The following NXPE2 variants were observed in gnomAD, a reference collection of about 807,000 sequenced individuals.
NXPE2 encodes neurexophilin and PC-esterase domain family member 2.
Under a neutral mutation model 34.4 loss-of-function variants are expected in NXPE2, and 34 were observed. That is an observed-to-expected ratio of 0.99 (90% CI 0.75 to 1.31). The LOEUF (loss-of-function observed/expected upper bound fraction) is 1.31. Ranked by LOEUF, NXPE2 falls within the 40% of genes most tolerant of loss-of-function variation. NXPE2 has a pLI of 0.00. For missense variants in NXPE2, 649 were observed against 672.5 expected, an observed-to-expected ratio of 0.97 and a Z score of 0.39; for synonymous variants, 235 against 231.3, an observed-to-expected ratio of 1.02 and a Z score of -0.15.
the NXPE2 span, among the ~76,000 whole-genome samples, chr11:114,592,210 G>C: frequency 1.3e-5 from 2 of 152,066 alleles, no homozygotes; most frequent in Non-Finnish European, 2.9e-5. Context: ...GGGCATACAA[G>C]TTGGAAAGAA....
At chr11:114,725,013 C>G in the NXPE2 span, among the ~76,000 whole-genome samples, 2 of 151,220 alleles carry the variant, frequency 1.3e-5, no homozygotes, top group Non-Finnish European at 2.9e-5. Flanking sequence ...CACTTGAACC[C>G]AGGAGCAGCA....
chr11:114,687,685 C>T (rs1351291349), intron 2 of NXPE2, among the ~76,000 whole-genome samples: 1 of 152,016 alleles, frequency 6.6e-6, no homozygotes, highest in East Asian at 1.9e-4. Context: ...CTGTACATTG[C>T]TTTGGGCAGT....
the NXPE2 span, among the ~76,000 whole-genome samples, chr11:114,663,678 T>TTATCTATCTATCTATCTATCTATCTATC: frequency 6.9e-6 from 1 of 145,940 alleles, no homozygotes; most frequent in Non-Finnish European, 1.5e-5. Context: ...ATCTATCTAT[T>TTATCTATCTATCTATCTATCTATCTATC]TATCTATCTA....
the NXPE2 span, among the ~76,000 whole-genome samples, chr11:114,617,006 G>A: frequency 1.3e-5 from 2 of 151,020 alleles, no homozygotes; most frequent in Non-Finnish European, 2.9e-5. Context: ...ACTGTTACCT[G>A]GTGGATAATA....
chr11:114,534,908 T>G, the NXPE2 span, among the ~76,000 whole-genome samples: 1 of 152,078 alleles, frequency 6.6e-6, no homozygotes, highest in African/African-American at 2.4e-5. Flanking sequence ...AGGCCAACAT[T>G]CAAATTCAGG....
chr11:114,714,350 C>T, the NXPE2 span, among the ~76,000 whole-genome samples: 4 of 152,084 alleles, frequency 2.6e-5, no homozygotes, highest in East Asian at 7.7e-4. Flanking sequence ...AAGTAAATTG[C>T]CTTAGCAGAG....
At chr11:114,696,819 T>A (rs980685257) in intron 2 of NXPE2, among the ~76,000 whole-genome samples, 1 of 152,162 alleles carries the variant, frequency 6.6e-6, no homozygotes, top group African/African-American at 2.4e-5. Flanking sequence ...CAGTAGTCCT[T>A]AAATCTACTA....
At chr11:114,588,349 T>A in the NXPE2 span, among the ~76,000 whole-genome samples, 1 of 152,172 alleles carries the variant, frequency 6.6e-6, no homozygotes, top group Non-Finnish European at 1.5e-5. Context: ...AAAGGGAGAC[T>A]TAGGCCAATT....
At chr11:114,497,086 A>T in the NXPE2 span, among the ~76,000 whole-genome samples, 1 of 152,074 alleles carries the variant, frequency 6.6e-6, no homozygotes, top group Non-Finnish European at 1.5e-5. Flanking sequence ...ATTCCAGAAG[A>T]GGGCGTTGTT....
At chr11:114,468,681 T>C in the NXPE2 span, among the ~76,000 whole-genome samples, 12 of 152,292 alleles carry the variant, frequency 7.9e-5, no homozygotes, top group Non-Finnish European at 1.8e-4. Flanking sequence ...AATGCACAGG[T>C]TAGTCCCCAC....
the NXPE2 span, among the ~76,000 whole-genome samples, chr11:114,634,329 A>G: frequency 2.6e-5 from 4 of 151,918 alleles, no homozygotes; most frequent in Admixed American, 2.6e-4. Context: ...TTTCTTGTAA[A>G]TTTGTTTGAG....
chr11:114,485,063 A>C, the NXPE2 span, among the ~76,000 whole-genome samples: 1 of 152,178 alleles, frequency 6.6e-6, no homozygotes. Context: ...TTGTGGTAAC[A>C]TAATAGGTGT....
At chr11:114,729,866 T>C in the NXPE2 span, among the ~76,000 whole-genome samples, 50 of 152,346 alleles carry the variant, frequency 3.3e-4, no homozygotes, top group African/African-American at 1.2e-3. Flanking sequence ...CTGTATACTC[T>C]GTTGACAGTT....
chr11:114,600,302 T>C, the NXPE2 span, among the ~76,000 whole-genome samples: 4 of 152,228 alleles, frequency 2.6e-5, no homozygotes, highest in African/African-American at 9.6e-5. Context: ...TTTTCTATAA[T>C]TCAAAAACTC....
At chr11:114,731,140 C>G in the NXPE2 span, among the ~76,000 whole-genome samples, 2 of 152,066 alleles carry the variant, frequency 1.3e-5, no homozygotes, top group Non-Finnish European at 2.9e-5. Context: ...TTTTCTGCAT[C>G]TATTGAGATG....
Position 114,698,192 on chromosome 11 carries a change from C to T in NXPE2, c.280C>T (p.Gln94Ter). The T allele has an allele frequency of 6.2e-7, 1 of 1,614,198 alleles. No homozygotes were observed. The highest frequency in any genetic ancestry group is 8.5e-7 in the Non-Finnish European group (1 of 1,180,014). The change falls in exon 3 of 6, where the codon CAG becomes TAG. Residue 94 changes from glutamine (Q) to a stop codon, truncating the protein, a stop_gained. Coordinates refer to ENST00000389586, the MANE Select transcript of NXPE2 (RefSeq NM_182495.6). LOFTEE classifies it high-confidence loss of function. ...GGACATTATGGAGAAACTAGACCAG[C>T]AGATCCCACCCAGACCTTTCACCCA... ...IKDIMEKLDQ[Q>*]IPPRPFTHVN...
the NXPE2 span, among the ~76,000 whole-genome samples, chr11:114,729,715 G>C: frequency 1.3e-5 from 2 of 152,104 alleles, no homozygotes; most frequent in African/African-American, 4.8e-5. Flanking sequence ...TTACAGAAGT[G>C]CATGTTCATG....
chr11:114,690,732 A>G (rs764102284), intron 2 of NXPE2, among the ~76,000 whole-genome samples: 42 of 152,146 alleles, frequency 2.8e-4, no homozygotes, highest in Non-Finnish European at 5.6e-4. Context: ...AGTGAGTCAT[A>G]GATTTGATCA....
chr11:114,797,706 T>G, the NXPE2 span, among the ~76,000 whole-genome samples: 1 of 152,184 alleles, frequency 6.6e-6, no homozygotes, highest in African/African-American at 2.4e-5. Flanking sequence ...TCCATGAACC[T>G]TTCAAGTGAG....
Sources: allele counts gnomAD v4.1 joint callset (sites outside exome capture counted in the v4.1 genomes callset), GRCh38; gene constraint gnomAD v4.1.1; transcripts MANE v1.5; gene names NCBI Gene and HGNC (gene_info 2026-07-23, HGNC 2026-07-21).